Variants in TBC1D8 observed in about 807,000 individuals in gnomAD.
TBC1D8 encodes TBC1 domain family member 8, also known as BUB2-like protein 1.
TBC1D8 carries 65 observed loss-of-function variants against 118.8 expected under a neutral mutation model. That is an observed-to-expected ratio of 0.55 (90% CI 0.45 to 0.67). The LOEUF is 0.67. Ranked by LOEUF, TBC1D8 falls within the 30% of genes least tolerant of loss-of-function variation. TBC1D8 has a pLI of 0.00. For synonymous variants in TBC1D8, 566 were observed against 595.8 expected (o/e 0.95, Z 0.73); for missense variants, 1,376 against 1,471.2 (o/e 0.94, Z 1.06).
chr2:101,126,234 T>C (rs1678349084), intron 1 of TBC1D8, among the ~76,000 whole-genome samples: 1 of 152,096 alleles, frequency 6.6e-6, no homozygotes, highest in African/African-American at 2.4e-5. Context: ...GAATTCACTC[T>C]CATGAGTATG....
chr2:101,087,359 G>A lies in TBC1D8; in HGVS notation c.283+2850C>T, dbSNP rs1325454649. Among the ~76,000 whole-genome samples the A allele has an allele frequency of 4.6e-5, 7 of 152,030 alleles. No individual in the cohort carries two copies. The East Asian group carries it at 5.8e-4, about 13-fold the overall frequency. On this transcript the variant is annotated intron_variant, in intron 2 of 19. Coordinates refer to ENST00000409318, the MANE Select transcript of TBC1D8 (RefSeq NM_001330348.2). ...AGATAAAATACTCTGGATTGGGGCC[G>A]GATGCAGTGGCTCACACCTGTAATC...
At chr2:101,092,387 T>A (rs1452172187) in intron 1 of TBC1D8, among the ~76,000 whole-genome samples, 2 of 152,324 alleles carry the variant, frequency 1.3e-5, no homozygotes, top group East Asian at 3.9e-4. Context: ...TTCGCTTTCA[T>A]CACTTGACTC....
chr2:101,040,731 A>C (rs1159631161), intron 5 of TBC1D8, among the ~76,000 whole-genome samples: 3 of 152,216 alleles, frequency 2.0e-5, no homozygotes, highest in Admixed American at 6.5e-5. Flanking sequence ...CGGCCTCCCA[A>C]AATGCTGGGA....
chr2:101,019,890 AAC>A (rs1204235841), intron 17 of TBC1D8, among the ~76,000 whole-genome samples: 2 of 150,776 alleles, frequency 1.3e-5, no homozygotes, highest in Non-Finnish European at 3.0e-5. Context: ...AACACAGTGA[AAC>A]CCTATCTCTG....
intron 1 of TBC1D8, among the ~76,000 whole-genome samples, chr2:101,143,664 ATTCT>A (rs915095898): frequency 6.6e-6 from 1 of 151,904 alleles, no homozygotes; most frequent in Non-Finnish European, 1.5e-5. Context: ...GGCTCAGGTG[ATTCT>A]TTCACCTCAG....
intron 2 of TBC1D8, among the ~76,000 whole-genome samples, chr2:101,089,022 C>G: frequency 6.6e-6 from 1 of 152,052 alleles, no homozygotes; most frequent in East Asian, 1.9e-4. Context: ...AATGTGAATT[C>G]TCTTCACACT....
At chr2:101,054,667 C>CTTTCCTTTTTTTT (rs1682292701) in intron 3 of TBC1D8, among the ~76,000 whole-genome samples, 1 of 21,298 alleles carries the variant, frequency 4.7e-5, no homozygotes, top group Non-Finnish European at 9.0e-5. Context: ...ATTTTCTTTT[C>CTTTCCTTTTTTTT]TTTTCTTTTT....
At chr2:101,137,819 C>T (rs1678922985) in intron 1 of TBC1D8, among the ~76,000 whole-genome samples, 1 of 152,150 alleles carries the variant, frequency 6.6e-6, no homozygotes, top group South Asian at 2.1e-4. Context: ...GCCACAGTCT[C>T]CTCAAAGAAC....
intron 1 of TBC1D8, among the ~76,000 whole-genome samples, chr2:101,131,706 T>A (rs1678599080): frequency 6.6e-6 from 1 of 151,822 alleles, no homozygotes; most frequent in African/African-American, 2.4e-5. Context: ...TCCCAGCTAC[T>A]CGGGAGGCTA....
intron 11 of TBC1D8, among the ~76,000 whole-genome samples, chr2:101,030,414 A>G (rs1186085728): frequency 6.6e-6 from 1 of 152,244 alleles, no homozygotes; most frequent in Non-Finnish European, 1.5e-5. Context: ...AAGCAAAGAG[A>G]CATCATTAAT....
At chr2:101,144,296 A>C (rs1679233945) in intron 1 of TBC1D8, among the ~76,000 whole-genome samples, 1 of 152,176 alleles carries the variant, frequency 6.6e-6, no homozygotes, top group African/African-American at 2.4e-5. Flanking sequence ...GAGCCTCTTC[A>C]TGACTACAGT....
intron 2 of TBC1D8, 93 bp downstream of exon 2, chr2:101,090,116 C>G: frequency 7.2e-7 from 1 of 1,396,334 alleles, no homozygotes; most frequent in Non-Finnish European, 9.7e-7. Flanking sequence ...AGGGAGTTAT[C>G]CAAAGGGGTT....
At chr2:101,070,560 C>T (rs1382616928) in intron 2 of TBC1D8, among the ~76,000 whole-genome samples, 1 of 151,948 alleles carries the variant, frequency 6.6e-6, no homozygotes, top group Non-Finnish European at 1.5e-5. Context: ...TTACAGGTGC[C>T]CACCACCATG....
chr2:101,022,228 C>G (rs1680071604), intron 16 of TBC1D8, 53 bp downstream of exon 16: 4 of 1,610,454 alleles, frequency 2.5e-6, no homozygotes, highest in Admixed American at 1.7e-5. Flanking sequence ...TTGTGTTCTG[C>G]TCACAGACCC....
Position 101,122,366 on chromosome 2 carries a change from C to T in TBC1D8, c.127+28761G>A, listed in dbSNP as rs966924923. ...GATTACAGGCGTGAGCCACCGCGCC[C>T]GGCCAAGACTCCATTTCAAAAAAAA... On this transcript the variant is annotated intron_variant, in intron 1 of 19. Coordinates refer to ENST00000409318, the MANE Select transcript of TBC1D8 (RefSeq NM_001330348.2). Among the ~76,000 whole-genome samples, 82 of 126,856 alleles carry T rather than the reference C, an allele frequency of 6.5e-4. 1 individual carries two copies. Among genetic ancestry groups the T allele is most frequent in the African/African-American group, 2.2e-3 (76 of 33,968 alleles). The allele number at this position is 126,856 out of a possible 152,430, so 83.2% of individuals were successfully genotyped here. A position where few individuals can be genotyped will look rare whatever the true frequency, so the allele number is the denominator to read the frequency against.
intron 1 of TBC1D8, among the ~76,000 whole-genome samples, chr2:101,120,164 G>C (rs751309902): frequency 1.3e-5 from 2 of 152,158 alleles, no homozygotes; most frequent in Non-Finnish European, 2.9e-5. Context: ...CCAGGACAGA[G>C]AGCAGCTTGA....
chr2:101,083,061 C>T (rs1397081496), intron 2 of TBC1D8, among the ~76,000 whole-genome samples: 2 of 152,136 alleles, frequency 1.3e-5, no homozygotes, highest in African/African-American at 4.8e-5. Context: ...ATATCCCTGG[C>T]CTGGCTCGGC....
chr2:101,151,086 C>A, intron 1 of TBC1D8, 41 bp downstream of exon 1: 1 of 1,001,916 alleles, frequency 1.0e-6, no homozygotes, highest in Non-Finnish European at 1.2e-6. Flanking sequence ...GGTGCGAGGC[C>A]CCGGGCCCGG....
rs755119730 is a variant in TBC1D8 at position 101,027,072 on chromosome 2, C to T, written c.2520+311G>A. Among the ~76,000 whole-genome samples the T allele has an allele frequency of 1.7e-4, 26 of 152,216 alleles. 1 individual carries two copies. The highest frequency in any genetic ancestry group is 3.2e-4 in the Non-Finnish European group (22 of 68,042). Reference sequence around the variant, plus strand: ...CCAGAGCCCGCACTCACTAGAGCAGCGGTGAGCAGAGTAGATCACAGCACC... The same window carrying T: ...CCAGAGCCCGCACTCACTAGAGCAGTGGTGAGCAGAGTAGATCACAGCACC... On this transcript the variant is annotated intron_variant, in intron 15 of 19. Coordinates refer to ENST00000409318, the MANE Select transcript of TBC1D8 (RefSeq NM_001330348.2).
Sources: gnomAD v4.1 joint callset for allele counts (sites outside exome capture counted in the v4.1 genomes callset) on GRCh38, gnomAD v4.1.1 for gene constraint, MANE v1.5 for transcripts, NCBI Gene and HGNC (gene_info 2026-07-23, HGNC 2026-07-21) for gene names.